Variants in TASP1 observed in about 807,000 individuals in gnomAD.
The protein encoded by TASP1 is threonine aspartase 1.
In TASP1, 16 loss-of-function variants were observed where a neutral mutation model predicts 56.6. That is an observed-to-expected ratio of 0.28 (90% CI 0.19 to 0.43). The LOEUF is 0.43. Among genes scored for constraint, TASP1 ranks in the 20% least tolerant of loss-of-function variants. The pLI is 1.00. For synonymous variants in TASP1, 179 were observed against 184.2 expected, an observed-to-expected ratio of 0.97 and a Z score of 0.23; for missense variants, 393 against 511.6, an observed-to-expected ratio of 0.77 and a Z score of 2.24.
the TASP1 span, among the ~76,000 whole-genome samples, chr20:13,272,450 C>T: frequency 1.3e-5 from 2 of 152,160 alleles, no homozygotes; most frequent in East Asian, 3.8e-4. Flanking sequence ...GTGTGAAGAT[C>T]CCAGCTACCA....
chr20:13,307,563 A>G, the TASP1 span, among the ~76,000 whole-genome samples: 1 of 152,156 alleles, frequency 6.6e-6, no homozygotes, highest in African/African-American at 2.4e-5. Context: ...ATAAGGCAAA[A>G]CCAGCACTCC....
At chr20:13,278,905 T>C in the TASP1 span, among the ~76,000 whole-genome samples, 1 of 152,176 alleles carries the variant, frequency 6.6e-6, no homozygotes, top group African/African-American at 2.4e-5. Context: ...TCTCTACACA[T>C]GTAGTGGTCT....
chr20:13,134,028 G>A, the TASP1 span, among the ~76,000 whole-genome samples: 3 of 152,146 alleles, frequency 2.0e-5, no homozygotes, highest in African/African-American at 7.2e-5. Context: ...CGCTCAAACT[G>A]TGAACACACA....
intron 11 of TASP1, among the ~76,000 whole-genome samples, chr20:13,466,198 TA>T (rs199864983): frequency 0.018 from 2,768 of 151,046 alleles, 46 homozygotes; most frequent in Non-Finnish European, 0.029. Context: ...AAAGTTTAAT[TA>T]AAAAAAAACC....
At chr20:13,256,579 T>A in the TASP1 span, among the ~76,000 whole-genome samples, 2 of 152,158 alleles carry the variant, frequency 1.3e-5, no homozygotes, top group South Asian at 2.1e-4. Flanking sequence ...TAAAATCAAA[T>A]GACTGAAACA....
rs34453699 is a variant in TASP1 at position 13,426,363 on chromosome 20, CAT to C, written c.1096+8679_1096+8680del. Among the ~76,000 whole-genome samples, 253 of 152,208 alleles carry C rather than the reference CAT, an allele frequency of 1.7e-3. 1 individual carries two copies. Among genetic ancestry groups the C allele is most frequent in the Non-Finnish European group, 2.9e-3 (196 of 68,006 alleles). ...AATTTCCTGAGTGTAATAAGAATTACATAGTCATTAGAATTCTATTCATAAAT... is the reference window on the plus strand; with the variant it reads ...AATTTCCTGAGTGTAATAAGAATTACAGTCATTAGAATTCTATTCATAAAT... On this transcript the variant is annotated intron_variant, in intron 12 of 13. Transcript: ENST00000337743.
At chr20:13,284,258 C>G in the TASP1 span, among the ~76,000 whole-genome samples, 2 of 152,308 alleles carry the variant, frequency 1.3e-5, no homozygotes, top group East Asian at 3.9e-4. Context: ...GTTGCCCCAC[C>G]ACTATGACTG....
At chr20:13,246,463 G>T in the TASP1 span, among the ~76,000 whole-genome samples, 1 of 152,138 alleles carries the variant, frequency 6.6e-6, no homozygotes, top group African/African-American at 2.4e-5. Flanking sequence ...ACCAGCAACT[G>T]TAGCTTACTC....
the TASP1 span, among the ~76,000 whole-genome samples, chr20:13,237,119 C>T: frequency 0.15 from 22,499 of 152,154 alleles, 1,966 homozygotes; most frequent in East Asian, 0.41. Context: ...CCTGCCCCTG[C>T]AGCACACATG....
rs189392811 is a variant in TASP1 at position 13,512,309 on chromosome 20, G to T, written c.874+16124C>A. On this transcript the variant is annotated intron_variant, in intron 10 of 13. Transcript: ENST00000337743. ...TAATGATCACCATTCTAACTGGTGT[G>T]AGATGGTATCTCATTGTGGTTTTGA... Among the ~76,000 whole-genome samples, 225 of 152,104 alleles carry T rather than the reference G, an allele frequency of 1.5e-3. 4 individuals carry two copies. Among genetic ancestry groups the T allele is most frequent in the South Asian group, 1.2e-3 (6 of 4,820 alleles).
the TASP1 span, among the ~76,000 whole-genome samples, chr20:13,378,583 A>G: frequency 6.6e-6 from 1 of 152,116 alleles, no homozygotes; most frequent in Non-Finnish European, 1.5e-5. Flanking sequence ...ATAAATGTCT[A>G]TTAGGTCTGC....
At chr20:13,221,657 G>A in the TASP1 span, 1 of 854,692 alleles carries the variant, frequency 1.2e-6, no homozygotes, top group Non-Finnish European at 1.5e-6. Context: ...CGGAGCCCTG[G>A]CGGGAGCCGA....
At chr20:13,230,798 A>G in the TASP1 span, among the ~76,000 whole-genome samples, 1 of 152,232 alleles carries the variant, frequency 6.6e-6, no homozygotes, top group Admixed American at 6.5e-5. Flanking sequence ...TTTTATTTAA[A>G]CCTTATACAA....
the TASP1 span, among the ~76,000 whole-genome samples, chr20:13,325,135 G>C: frequency 6.6e-6 from 1 of 152,216 alleles, no homozygotes; most frequent in African/African-American, 2.4e-5. Context: ...GACCACCAGA[G>C]GGTGCCCACA....
chr20:13,428,454 T>C (rs1472832906), intron 12 of TASP1, among the ~76,000 whole-genome samples: 2 of 152,340 alleles, frequency 1.3e-5, no homozygotes, highest in East Asian at 3.9e-4. Context: ...AAAGCACTTC[T>C]GTAGAGGCCT....
chr20:13,312,544 C>A, the TASP1 span, among the ~76,000 whole-genome samples: 17 of 152,318 alleles, frequency 1.1e-4, no homozygotes, highest in African/African-American at 3.8e-4. Context: ...TCAGCATTTA[C>A]TGGACAGGAG....
intron 8 of TASP1, among the ~76,000 whole-genome samples, chr20:13,548,012 G>C (rs1218101765): frequency 6.6e-6 from 1 of 152,074 alleles, no homozygotes; most frequent in African/African-American, 2.4e-5. Flanking sequence ...GAAGGAGACA[G>C]GCAACATTCC....
intron 8 of TASP1, among the ~76,000 whole-genome samples, chr20:13,535,754 T>C (rs1308075631): frequency 1.3e-5 from 2 of 152,172 alleles, no homozygotes; most frequent in South Asian, 2.1e-4. Context: ...ACATGCCCAA[T>C]AGTGAGTAAC....
chr20:13,355,179 G>A, the TASP1 span, among the ~76,000 whole-genome samples: 1 of 152,250 alleles, frequency 6.6e-6, no homozygotes, highest in African/African-American at 2.4e-5. Context: ...AAATAATTTT[G>A]AGCAGTAAGA....
Sources: gnomAD v4.1 joint callset for allele counts (sites outside exome capture counted in the v4.1 genomes callset) on GRCh38, gnomAD v4.1.1 for gene constraint, MANE v1.5 for transcripts, NCBI Gene and HGNC (gene_info 2026-07-23, HGNC 2026-07-21) for gene names.